Variants in CALN1 observed in about 807,000 individuals in gnomAD.
The protein encoded by CALN1 is calcium-binding protein 8.
In CALN1, 17 loss-of-function variants were observed where a neutral mutation model predicts 30.6. The ratio of observed to expected loss-of-function variants is 0.56; its 90% confidence interval spans 0.38 to 0.83. The LOEUF is 0.83. CALN1 is among the 40% of genes least tolerant of loss of function. The pLI is 0.00. For missense variants in CALN1, 291 were observed against 354.9 expected (o/e 0.82, Z 1.45); for synonymous variants, 156 against 131.4 (o/e 1.19, Z -1.28).
At chr7:72,105,181 G>A (rs905417261) in intron 4 of CALN1, among the ~76,000 whole-genome samples, 6 of 152,160 alleles carry the variant, frequency 3.9e-5, no homozygotes, top group East Asian at 3.9e-4. Context: ...GCTACACCCC[G>A]GCACTGCTGC....
At position 72,262,705 on chromosome 7, in the gene CALN1, T is replaced by A. The variant is rs535808646; in HGVS notation, c.244+15981A>T. Among the ~76,000 whole-genome samples the A allele has an allele frequency of 2.0e-5, 3 of 152,330 alleles. No individual in the cohort carries two copies. In the South Asian group the frequency reaches 6.2e-4, roughly 32 times the overall value. On this transcript the variant is annotated intron_variant, in intron 3 of 6. Coordinates refer to ENST00000395275, the MANE Select transcript of CALN1 (RefSeq NM_031468.4). ...GATTTCACTTTTTATGGCTGCACAG[T>A]ATTCCATGTTGTATATGTACTACGT...
chr7:72,404,884 A>C (rs1806596112), intron 1 of CALN1, among the ~76,000 whole-genome samples: 1 of 152,200 alleles, frequency 6.6e-6, no homozygotes, highest in Non-Finnish European at 1.5e-5. Flanking sequence ...GGCTCAAATG[A>C]AAGAGGCTCA....
chr7:72,456,454 C>G, the CALN1 span, among the ~76,000 whole-genome samples: 1 of 152,140 alleles, frequency 6.6e-6, no homozygotes, highest in African/African-American at 2.4e-5. Context: ...AAGAGGCTTG[C>G]TAGAGCCCAG....
At chr7:72,053,284 C>T (rs780875230) in intron 4 of CALN1, among the ~76,000 whole-genome samples, 1 of 152,108 alleles carries the variant, frequency 6.6e-6, no homozygotes, top group African/African-American at 2.4e-5. Flanking sequence ...TCAGAGTACA[C>T]CAAAGACTCC....
chr7:71,943,309 A>G (rs1035880259), intron 5 of CALN1, among the ~76,000 whole-genome samples: 3 of 152,236 alleles, frequency 2.0e-5, no homozygotes, highest in African/African-American at 7.2e-5. Flanking sequence ...AGTACTGCAG[A>G]GTGCTAGAGC....
At chr7:72,101,630 T>C (rs899409049) in intron 4 of CALN1, among the ~76,000 whole-genome samples, 1 of 152,194 alleles carries the variant, frequency 6.6e-6, no homozygotes, top group African/African-American at 2.4e-5. Flanking sequence ...CTAGGGTCCA[T>C]TCACCATATG....
intron 4 of CALN1, among the ~76,000 whole-genome samples, chr7:72,045,664 G>A (rs936441779): frequency 6.6e-6 from 1 of 152,004 alleles, no homozygotes; most frequent in Non-Finnish European, 1.5e-5. Flanking sequence ...AAGTAGCTGG[G>A]ACTACAGGCA....
chr7:71,944,597 A>AG (rs1327508698), intron 5 of CALN1, among the ~76,000 whole-genome samples: 1 of 147,072 alleles, frequency 6.8e-6, no homozygotes, highest in African/African-American at 2.6e-5. Context: ...TCCATCCCAA[A>AG]AAAAAAAAAA....
chr7:71,799,462 G>A (rs560544373), intron 6 of CALN1, among the ~76,000 whole-genome samples: 1 of 148,980 alleles, frequency 6.7e-6, no homozygotes, highest in African/African-American at 2.6e-5. Flanking sequence ...TAGTTAGTTA[G>A]TTAGTTAGTT....
intron 5 of CALN1, among the ~76,000 whole-genome samples, chr7:71,999,067 C>T (rs1799398310): frequency 6.6e-6 from 1 of 152,080 alleles, no homozygotes; most frequent in African/African-American, 2.4e-5. Context: ...GACAGAGACA[C>T]AATCCAATTT....
At chr7:72,064,684 C>G (rs1357327425) in intron 4 of CALN1, among the ~76,000 whole-genome samples, 3 of 152,186 alleles carry the variant, frequency 2.0e-5, no homozygotes, top group African/African-American at 7.2e-5. Context: ...TGATGCAAGA[C>G]TCCTAGCCTT....
intron 5 of CALN1, among the ~76,000 whole-genome samples, chr7:71,892,608 G>C (rs770187783): frequency 9.2e-5 from 14 of 152,096 alleles, no homozygotes; most frequent in Non-Finnish European, 1.3e-4. Context: ...ATGACAGAGT[G>C]AAACTCCATT....
chr7:72,002,849 T>C (rs145140749), intron 5 of CALN1, among the ~76,000 whole-genome samples: 6 of 152,194 alleles, frequency 3.9e-5, no homozygotes, highest in Admixed American at 2.0e-4. Flanking sequence ...TCTAAAAAAG[T>C]TGAAATCACA....
At chr7:72,329,487 A>G (rs916629427) in intron 2 of CALN1, among the ~76,000 whole-genome samples, 3 of 152,122 alleles carry the variant, frequency 2.0e-5, no homozygotes, top group Non-Finnish European at 4.4e-5. Context: ...CATCTCTCTG[A>G]ACTCATCTCC....
intron 5 of CALN1, among the ~76,000 whole-genome samples, chr7:71,978,763 A>T (rs1798237889): frequency 6.6e-6 from 1 of 152,182 alleles, no homozygotes; most frequent in Non-Finnish European, 1.5e-5. Flanking sequence ...AACACTAGAG[A>T]TCCATCCTCC....
intron 3 of CALN1, among the ~76,000 whole-genome samples, chr7:72,131,183 C>T (rs1386884029): frequency 1.3e-5 from 2 of 152,038 alleles, no homozygotes; most frequent in African/African-American, 4.8e-5. Flanking sequence ...GAGATAAGTA[C>T]TATAATATCC....
chr7:72,292,056 G>C (rs1798519732), intron 2 of CALN1, among the ~76,000 whole-genome samples: 1 of 150,500 alleles, frequency 6.6e-6, no homozygotes, highest in Non-Finnish European at 1.5e-5. Context: ...CAAACATTTA[G>C]TCCATGAATA....
intron 2 of CALN1, among the ~76,000 whole-genome samples, chr7:72,361,223 C>T (rs983711394): frequency 2.0e-5 from 3 of 152,174 alleles, no homozygotes; most frequent in African/African-American, 2.4e-5. Context: ...CGCCTGGAGA[C>T]GCCCTGGATT....
At chr7:71,928,788 T>C (rs1426040667) in intron 5 of CALN1, among the ~76,000 whole-genome samples, 1 of 152,102 alleles carries the variant, frequency 6.6e-6, no homozygotes, top group Non-Finnish European at 1.5e-5. Flanking sequence ...TATCACCATT[T>C]TGGGAGGCTG....
Sources: allele counts gnomAD v4.1 joint callset (sites outside exome capture counted in the v4.1 genomes callset), GRCh38; gene constraint gnomAD v4.1.1; transcripts MANE v1.5; gene names NCBI Gene and HGNC (gene_info 2026-07-23, HGNC 2026-07-21).